The following SLF1 variants were observed in gnomAD, a reference collection of about 807,000 sequenced individuals.
SLF1 encodes the protein SMC5-SMC6 complex localization factor protein 1.
Under a neutral mutation model 123.0 loss-of-function variants are expected in SLF1, and 105 were observed. The ratio of observed to expected loss-of-function variants is 0.85; its 90% CI spans 0.73 to 1.00. The LOEUF is 1.00. SLF1 is among the 50% of genes least tolerant of loss of function. The probability of loss-of-function intolerance (pLI) is 0.00; values close to 1 mark genes in which losing one functional copy is unlikely to be tolerated. For synonymous variants in SLF1, 434 were observed against 406.6 expected (o/e 1.07, Z -0.81); for missense variants, 1,239 against 1,223.0 (o/e 1.01, Z -0.20).
At chr5:94,634,794 T>G (rs1442122695) in intron 4 of SLF1, among the ~76,000 whole-genome samples, 1 of 152,230 alleles carries the variant, frequency 6.6e-6, no homozygotes, top group African/African-American at 2.4e-5. Flanking sequence ...ATTTTCCTAA[T>G]GATTAGTGAT....
intron 5 of SLF1, among the ~76,000 whole-genome samples, chr5:94,647,791 G>A (rs1332099503): frequency 6.6e-6 from 1 of 152,190 alleles, no homozygotes; most frequent in African/African-American, 2.4e-5. Flanking sequence ...TTGTTTAGCT[G>A]TATAGATAAT....
At chr5:94,661,939 G>C (rs1749171268) in intron 9 of SLF1, among the ~76,000 whole-genome samples, 1 of 152,052 alleles carries the variant, frequency 6.6e-6, no homozygotes, top group Non-Finnish European at 1.5e-5. Flanking sequence ...TTTGACATAT[G>C]GTTATATAGC....
intron 9 of SLF1, among the ~76,000 whole-genome samples, chr5:94,658,389 A>G (rs1748679604): frequency 1.3e-5 from 2 of 151,194 alleles, no homozygotes; most frequent in Non-Finnish European, 3.0e-5. Flanking sequence ...TTTGAAGGAT[A>G]GGTTTTCTGG....
intron 4 of SLF1, among the ~76,000 whole-genome samples, chr5:94,642,820 A>AT (rs1026363087): frequency 3.2e-4 from 49 of 151,104 alleles, no homozygotes; most frequent in South Asian, 6.3e-4. Context: ...ATCAAGGCTA[A>AT]TTTTTTTTTA....
At position 94,686,595 on chromosome 5, in the gene SLF1, G is replaced by GCT; in HGVS notation, c.1998_1999insCT (p.Ile667LeufsTer67). 1 of 1,613,858 alleles carries GCT rather than the reference G, an allele frequency of 6.2e-7. No homozygotes were observed. Among genetic ancestry groups the GCT allele is most frequent in the Non-Finnish European group, 8.5e-7 (1 of 1,179,824 alleles). ...CAGACTTTTCTTCACAGGAATTAGAGATTTTCATTTGCTCCTTTTCCTCCT... is the reference window on the plus strand; with the variant it reads ...CAGACTTTTCTTCACAGGAATTAGAGCTATTTTCATTTGCTCCTTTTCCTCCT... On this transcript the variant is annotated frameshift_variant, in exon 16 of 21. Coordinates refer to ENST00000265140, the MANE Select transcript of SLF1 (RefSeq NM_032290.4). LOFTEE classifies it high-confidence loss of function.
chr5:94,676,022 A>T (rs543156181), intron 14 of SLF1, among the ~76,000 whole-genome samples: 81 of 151,740 alleles, frequency 5.3e-4, no homozygotes, highest in Admixed American at 1.6e-3. Flanking sequence ...AGAGTCTTAA[A>T]GCCTGGGTGG....
At chr5:94,627,102 A>G (rs2152464857) in intron 1 of SLF1, among the ~76,000 whole-genome samples, 1 of 152,308 alleles carries the variant, frequency 6.6e-6, no homozygotes, top group East Asian at 1.9e-4. Context: ...TGTGAAGAAC[A>G]TTTCTCACTT....
At chr5:94,647,567 G>T (rs1030288794) in intron 5 of SLF1, among the ~76,000 whole-genome samples, 1 of 152,154 alleles carries the variant, frequency 6.6e-6, no homozygotes, top group Non-Finnish European at 1.5e-5. Context: ...TTAGTGCATA[G>T]CACTATACTT....
chr5:94,670,035 A>G (rs1750267445), intron 12 of SLF1, 116 bp from the exon 13 acceptor site: 2 of 1,097,728 alleles, frequency 1.8e-6, no homozygotes, highest in Non-Finnish European at 1.2e-6. Context: ...TGAACTTTCT[A>G]TTTTAAGAAA....
intron 15 of SLF1, among the ~76,000 whole-genome samples, chr5:94,679,544 A>T (rs1183711842): frequency 6.6e-6 from 1 of 151,992 alleles, no homozygotes; most frequent in African/African-American, 2.4e-5. Flanking sequence ...GGGAGCCATG[A>T]TTGTGCCACT....
At chr5:94,624,333 G>T (rs1792045250) in intron 1 of SLF1, among the ~76,000 whole-genome samples, 1 of 152,018 alleles carries the variant, frequency 6.6e-6, no homozygotes, top group African/African-American at 2.4e-5. Context: ...TATGCAGTTA[G>T]TCCTATTTTC....
Position 94,654,702 on chromosome 5 carries a change from G to A in SLF1, c.1105G>A (p.Asp369Asn), listed in dbSNP as rs540386852. The A allele has an allele frequency of 5.8e-5, 89 of 1,543,976 alleles. No homozygotes were observed. The highest frequency in any genetic ancestry group is 7.1e-5 in the Non-Finnish European group (81 of 1,143,112). Residue 369 changes from aspartate (D) to asparagine (N), a missense_variant, in exon 9 of 21, where the codon GAT (aspartate) becomes AAT (asparagine). By Grantham distance (23) the Asp-to-Asn change is conservative. Transcript: ENST00000265140. The part of the protein sequence containing the change: ...SKAMAIKTDV[D>N]VVEIKNTLRK... ...AGCCATGGCTATTAAGACAGATGTG[G>A]ATGTTGTTGAAATAAAAAATACCTT...
intron 1 of SLF1, among the ~76,000 whole-genome samples, chr5:94,625,370 A>C (rs1792143496): frequency 6.6e-6 from 1 of 151,648 alleles, no homozygotes; most frequent in Admixed American, 6.6e-5. Context: ...TTTTCTTTTT[A>C]TTTTTTAATT....
Position 94,630,659 on chromosome 5 carries a change from A to G in SLF1, c.347A>G (p.Lys116Arg). The G allele has an allele frequency of 6.4e-7, 1 of 1,551,730 alleles. No individual in the cohort carries two copies. Among genetic ancestry groups the G allele is most frequent in the Non-Finnish European group, 8.7e-7 (1 of 1,147,000 alleles). Residue 116 changes from lysine (K) to arginine (R), a missense_variant, in exon 4 of 21, where the codon AAA becomes AGA. Lys to Arg is a conservative substitution (Grantham distance 26, BLOSUM62 2). Transcript: ENST00000265140. ...SAPKRWREEL[K>R]RTGAPGAFHR... The stretch of plus-strand genomic sequence containing the variant: ...CCTAAAAGATGGCGTGAAGAACTGA[A>G]ACGCACTGGTGCTCCAGGAGCCTTC...
chr5:94,695,806 G>T lies in SLF1; in HGVS notation c.*494G>T, dbSNP rs529419721. On this transcript the variant is annotated 3_prime_UTR_variant, in exon 21 of 21. Transcript: ENST00000265140. ...CCTATTTCTTCTCTCTAGGTTGTTG[G>T]ACTGAAATATGCATTTTAGCTTTGT... The T allele has an allele frequency of 3.3e-5, 5 of 151,090 alleles. No homozygotes were observed. Among genetic ancestry groups the T allele is most frequent in the African/African-American group, 1.2e-4 (5 of 41,194 alleles). 9.4% of individuals were successfully genotyped at this position (151,090 alleles called of 1,614,324 possible).
rs1266713191 is a variant in SLF1 at position 94,697,372 on chromosome 5, C to T, written c.*2060C>T. On this transcript the variant is annotated 3_prime_UTR_variant, in exon 21 of 21. Transcript: ENST00000265140. ...AATAATAATTGCCTTGAATAATTGC[C>T]CAAATCTATCTTGGAGGTATAGGAA... is the stretch of plus-strand genomic sequence containing the variant. 1 of 151,684 alleles carries T rather than the reference C, an allele frequency of 6.6e-6. No individual in the cohort carries two copies. Among genetic ancestry groups the T allele is most frequent in the Admixed American group, 6.6e-5 (1 of 15,182 alleles). The allele number at this position is 151,684 out of a possible 1,614,324, so 9.4% of individuals were successfully genotyped here.
intron 15 of SLF1, among the ~76,000 whole-genome samples, chr5:94,680,589 AG>A (rs1455693898): frequency 6.6e-6 from 1 of 152,224 alleles, no homozygotes; most frequent in African/African-American, 2.4e-5. Context: ...GTAGAGGATT[AG>A]CAGTGGCTTT....
chr5:94,671,392 A>T (rs1750431060), intron 14 of SLF1, among the ~76,000 whole-genome samples: 1 of 151,432 alleles, frequency 6.6e-6, no homozygotes, highest in Non-Finnish European at 1.5e-5. Context: ...TTATTTTAAA[A>T]CTACCTCTTT....
intron 9 of SLF1, among the ~76,000 whole-genome samples, chr5:94,657,840 T>C (rs1748593570): frequency 6.6e-6 from 1 of 152,098 alleles, no homozygotes; most frequent in Non-Finnish European, 1.5e-5. Flanking sequence ...TTAGAAAGTT[T>C]TTTCTGATGT....
Sources: allele counts gnomAD v4.1 joint callset (sites outside exome capture counted in the v4.1 genomes callset), GRCh38; gene constraint gnomAD v4.1.1; transcripts MANE v1.5; gene names NCBI Gene and HGNC (gene_info 2026-07-23, HGNC 2026-07-21).